Variants in CNTN4 observed in about 807,000 individuals in gnomAD.
The protein encoded by CNTN4 is contactin-4.
In CNTN4, 77 loss-of-function variants were observed where a neutral mutation model predicts 122.5. That is an observed-to-expected ratio of 0.63 (90% CI 0.52 to 0.76). CNTN4 has a LOEUF of 0.76. Among genes scored for constraint, CNTN4 ranks in the 30% least tolerant of loss-of-function variants. The probability of loss-of-function intolerance (pLI) is 0.00; values close to 1 mark genes in which losing one functional copy is unlikely to be tolerated. For missense variants in CNTN4, 1,256 were observed against 1,259.1 expected (o/e 1.00, Z 0.04); for synonymous variants, 512 against 447.0 (o/e 1.15, Z -1.83).
chr3:2,378,010 G>A (rs2045885823), intron 3 of CNTN4, among the ~76,000 whole-genome samples: 3 of 152,086 alleles, frequency 2.0e-5, no homozygotes, highest in Admixed American at 2.0e-4. Context: ...TTTTTCAGTT[G>A]TCTGTATGAG....
intron 2 of CNTN4, among the ~76,000 whole-genome samples, chr3:2,143,899 A>G (rs1408695327): frequency 6.6e-6 from 1 of 152,196 alleles, no homozygotes; most frequent in African/African-American, 2.4e-5. Context: ...AAGTTTGGTG[A>G]AATTGATTTA....
chr3:2,884,907 A>G (rs1264623127), intron 9 of CNTN4, among the ~76,000 whole-genome samples: 3 of 152,314 alleles, frequency 2.0e-5, no homozygotes, highest in Non-Finnish European at 4.4e-5. Context: ...GAAACACATC[A>G]TCACTGCCCA....
chr3:2,849,699 G>T (rs1176276689), intron 7 of CNTN4, among the ~76,000 whole-genome samples: 2 of 152,162 alleles, frequency 1.3e-5, no homozygotes, highest in African/African-American at 4.8e-5. Context: ...AGGAGGATTT[G>T]CTTTAGGAAT....
At chr3:2,592,795 C>G (rs1339544620) in intron 4 of CNTN4, among the ~76,000 whole-genome samples, 1 of 152,158 alleles carries the variant, frequency 6.6e-6, no homozygotes, top group Non-Finnish European at 1.5e-5. Flanking sequence ...CTGGAGTGTT[C>G]TATTCATGGG....
At chr3:3,016,531 T>G (rs1697770836) in intron 14 of CNTN4, among the ~76,000 whole-genome samples, 1 of 152,182 alleles carries the variant, frequency 6.6e-6, no homozygotes, top group South Asian at 2.1e-4. Flanking sequence ...GTGAATGACT[T>G]TAAGACAGAT....
chr3:2,501,324 C>G (rs2076588695), intron 3 of CNTN4, among the ~76,000 whole-genome samples: 1 of 152,186 alleles, frequency 6.6e-6, no homozygotes. Context: ...ATTGAAGTTA[C>G]ATTTGTTAAC....
intron 2 of CNTN4, among the ~76,000 whole-genome samples, chr3:2,148,673 G>C (rs1003155593): frequency 6.6e-6 from 1 of 152,130 alleles, no homozygotes; most frequent in Non-Finnish European, 1.5e-5. Flanking sequence ...TATGAGGCTT[G>C]ATAAATGGAC....
intron 2 of CNTN4, among the ~76,000 whole-genome samples, chr3:2,242,090 A>G (rs1164739232): frequency 3.3e-5 from 5 of 152,194 alleles, no homozygotes; most frequent in African/African-American, 1.2e-4. Context: ...TACTAGGAAG[A>G]ACACAATTAT....
At chr3:2,100,415 T>C (rs551348541) in intron 1 of CNTN4, 143 bp from the exon 2 acceptor site, 5 of 152,376 alleles carry the variant, frequency 3.3e-5, no homozygotes, top group African/African-American at 1.2e-4. Flanking sequence ...TTTTTGTTTT[T>C]TGAGATTTCT....
rs1174087198 is a variant in CNTN4 at position 2,165,323 on chromosome 3, T to TAAA, written c.-145+64695_-145+64697dup. The stretch of plus-strand genomic sequence containing the variant: ...GGGTGACAAGAGCAAGACTGCATCT[T>TAAA]AAAAAAAAAAAAAGACAAAACAAAA... On this transcript the variant is annotated intron_variant, in intron 2 of 24. Transcript: ENST00000418658. 7.0e-5 allele frequency among the ~76,000 whole-genome samples: 10 copies of TAAA among 142,742 alleles called. No individual in the cohort carries two copies. The East Asian group carries it at 1.8e-3, about 26-fold the overall frequency. The allele number at this position is 142,742 out of a possible 152,430, so 93.6% of individuals were successfully genotyped here.
intron 4 of CNTN4, among the ~76,000 whole-genome samples, chr3:2,664,317 T>C (rs752899671): frequency 9.4e-6 from 1 of 105,890 alleles, no homozygotes; most frequent in Non-Finnish European, 2.1e-5. Context: ...TGATTTTCTT[T>C]TTTGGTCCAG....
intron 2 of CNTN4, among the ~76,000 whole-genome samples, chr3:2,280,231 A>T (rs1320722813): frequency 6.6e-6 from 1 of 152,170 alleles, no homozygotes; most frequent in Admixed American, 6.6e-5. Context: ...AAGTGCTGGG[A>T]TTACAGGCGT....
intron 4 of CNTN4, among the ~76,000 whole-genome samples, chr3:2,666,750 C>T (rs180688637): frequency 0.066 from 7,626 of 116,286 alleles, 359 homozygotes; most frequent in African/African-American, 0.14. Context: ...CCCCTCCCCC[C>T]ACCCCACAAC....
Position 3,003,700 on chromosome 3 carries a change from A to C in CNTN4, c.1486+15228A>C, listed in dbSNP as rs868525468. Among the ~76,000 whole-genome samples, 244 of 149,074 alleles carry C rather than the reference A, an allele frequency of 1.6e-3. 3 individuals are homozygous for C. Among genetic ancestry groups the C allele is most frequent in the African/African-American group, 4.4e-3 (177 of 40,530 alleles). Reference sequence around the variant, plus strand: ...TGGTTGCACCAAAAAAAAAAAAAAAAAAAAAAAAAAAAAACAAAAAAACCC... The same window carrying C: ...TGGTTGCACCAAAAAAAAAAAAAAACAAAAAAAAAAAAAACAAAAAAACCC... On this transcript the variant is annotated intron_variant, in intron 14 of 24. Coordinates refer to ENST00000418658, the MANE Select transcript of CNTN4 (RefSeq NM_175607.3).
At chr3:2,143,569 A>T (rs1328221092) in intron 2 of CNTN4, among the ~76,000 whole-genome samples, 1 of 152,208 alleles carries the variant, frequency 6.6e-6, no homozygotes, top group African/African-American at 2.4e-5. Context: ...TAGATCATCA[A>T]TGTCTAAATT....
At chr3:2,481,523 C>T (rs1443188484) in intron 3 of CNTN4, among the ~76,000 whole-genome samples, 2 of 152,114 alleles carry the variant, frequency 1.3e-5, no homozygotes, top group African/African-American at 4.8e-5. Context: ...AGAATCTAGT[C>T]ACTGACTTAA....
rs767789521 is a variant in CNTN4, at chr3:2,988,288, G to A, written c.1359-57G>A. On this transcript the variant is annotated intron_variant, in intron 13 of 24. Transcript: ENST00000418658. ...AATGACAGAATGACAGAACTAATTT[G>A]CAATAGGTCATATGAGATAAATTTC... The A allele has an allele frequency of 4.7e-5, 72 of 1,526,978 alleles. 1 individual carries two copies. The Middle Eastern group carries it at 8.7e-4, about 18-fold the overall frequency. 94.6% of individuals were successfully genotyped at this position (1,526,978 alleles called of 1,614,324 possible).
chr3:2,486,561 G>T (rs941265848), intron 3 of CNTN4, among the ~76,000 whole-genome samples: 2 of 152,112 alleles, frequency 1.3e-5, no homozygotes, highest in Non-Finnish European at 2.9e-5. Flanking sequence ...GAAGTCTACT[G>T]TGTTACCCCC....
At chr3:2,459,963 C>A (rs2049142057) in intron 3 of CNTN4, among the ~76,000 whole-genome samples, 1 of 152,110 alleles carries the variant, frequency 6.6e-6, no homozygotes, top group African/African-American at 2.4e-5. Context: ...CCAGGCATTG[C>A]TTCATAATCT....
Sources: allele counts gnomAD v4.1 joint callset (sites outside exome capture counted in the v4.1 genomes callset), GRCh38; gene constraint gnomAD v4.1.1; transcripts MANE v1.5; gene names NCBI Gene and HGNC (gene_info 2026-07-23, HGNC 2026-07-21).